IL1RAPL2: variants seen among roughly 807,000 people sequenced by gnomAD.
The protein encoded by IL1RAPL2 is X-linked interleukin-1 receptor accessory protein-like 2.
IL1RAPL2 carries 3 observed loss-of-function variants against 44.1 expected under a neutral mutation model. The observed-to-expected ratio is 0.07, with a 90% CI of 0.03 to 0.18. The LOEUF (loss-of-function observed/expected upper bound fraction) is 0.18. IL1RAPL2 is among the 10% of genes least tolerant of loss of function. The probability of loss-of-function intolerance (pLI) is 1.00; values close to 1 mark genes in which losing one functional copy is unlikely to be tolerated. For synonymous variants in IL1RAPL2, 181 were observed against 178.8 expected, an observed-to-expected ratio of 1.01 and a Z score of -0.10; for missense variants, 391 against 496.4, an observed-to-expected ratio of 0.79 and a Z score of 2.02.
In IL1RAPL2 at chrX:105,460,811, A is replaced by AAAACTGTTT. The variant is rs768808126; in HGVS notation, c.698-23502_698-23501insAAACTGTTT. 6.2e-3 allele frequency among the ~76,000 whole-genome samples: 691 copies of AAAACTGTTT among 112,065 alleles called. 8 individuals are homozygous for AAAACTGTTT. The highest frequency in any genetic ancestry group is 0.022 in the African/African-American group (673 of 30,903). On this transcript the variant is annotated intron_variant, in intron 5 of 10. Transcript: ENST00000372582. ...AGATCACGAAGTTTTACACAAATGTATAGCTAAAACAGTCACCTATCGATC... is the reference window on the plus strand; with the variant it reads ...AGATCACGAAGTTTTACACAAATGTAAAACTGTTTTAGCTAAAACAGTCACCTATCGATC...
At chrX:105,172,464 G>A (rs770643398) in intron 2 of IL1RAPL2, among the ~76,000 whole-genome samples, 2 of 111,700 alleles carry the variant, frequency 1.8e-5, no homozygotes, top group Admixed American at 9.5e-5. Flanking sequence ...CCACTACCAA[G>A]CTCATTCAAG....
chrX:104,797,185 GCCCCC>G (rs368534416), intron 2 of IL1RAPL2, among the ~76,000 whole-genome samples: 2 of 23,895 alleles, frequency 8.4e-5, no homozygotes, highest in African/African-American at 6.1e-4. Flanking sequence ...GATCTCTTCA[GCCCCC>G]CCCCCCCCCC....
intron 1 of IL1RAPL2, among the ~76,000 whole-genome samples, chrX:104,621,226 G>A (rs1253553194): frequency 9.4e-6 from 1 of 106,326 alleles, no homozygotes; most frequent in African/African-American, 3.4e-5. Context: ...AGAGAAGTAT[G>A]TACATCTCAG....
intron 5 of IL1RAPL2, among the ~76,000 whole-genome samples, chrX:105,272,227 A>G (rs1004697481): frequency 8.3e-5 from 9 of 108,834 alleles, no homozygotes; most frequent in African/African-American, 3.0e-4. Context: ...GCACATGTAT[A>G]CATATGTAAC....
At chrX:105,157,720 A>G (rs779179343) in intron 2 of IL1RAPL2, among the ~76,000 whole-genome samples, 1 of 112,328 alleles carries the variant, frequency 8.9e-6, no homozygotes, top group Non-Finnish European at 1.9e-5. Context: ...ATCTTCCATC[A>G]CTGAAATTCT....
intron 2 of IL1RAPL2, among the ~76,000 whole-genome samples, chrX:104,864,256 G>C (rs916199378): frequency 1.8e-5 from 2 of 112,111 alleles, no homozygotes; most frequent in African/African-American, 3.2e-5. Flanking sequence ...CAAGCAAAAA[G>C]TAAAAGAGCC....
intron 2 of IL1RAPL2, among the ~76,000 whole-genome samples, chrX:105,173,143 T>C (rs1218045586): frequency 9.0e-6 from 1 of 110,609 alleles, no homozygotes; most frequent in African/African-American, 3.3e-5. Context: ...AAAAACAGAG[T>C]ATGCAGAGCT....
At chrX:104,637,338 C>T (rs1384191600) in intron 1 of IL1RAPL2, among the ~76,000 whole-genome samples, 5 of 111,525 alleles carry the variant, frequency 4.5e-5, no homozygotes, top group Non-Finnish European at 9.4e-5. Flanking sequence ...ACTGTTCTGG[C>T]TAGTACTTCC....
chrX:104,574,726 A>G (rs767469859), intron 1 of IL1RAPL2, among the ~76,000 whole-genome samples: 149 of 112,173 alleles, frequency 1.3e-3, no homozygotes, highest in South Asian at 5.9e-3. Flanking sequence ...TTAAAGACAA[A>G]GCAGACCTAC....
intron 5 of IL1RAPL2, among the ~76,000 whole-genome samples, chrX:105,408,420 G>C (rs1175845815): frequency 9.1e-6 from 1 of 110,175 alleles, no homozygotes; most frequent in Non-Finnish European, 1.9e-5. Flanking sequence ...TCAACATGAG[G>C]CAAGGAATCA....
chrX:105,472,705 A>C (rs1489696469), intron 5 of IL1RAPL2, among the ~76,000 whole-genome samples: 1 of 111,776 alleles, frequency 8.9e-6, no homozygotes, highest in Non-Finnish European at 1.9e-5. Context: ...TAATTAAATT[A>C]GTTCTCATCG....
At chrX:104,872,545 G>C (rs756220989) in intron 2 of IL1RAPL2, among the ~76,000 whole-genome samples, 1 of 111,213 alleles carries the variant, frequency 9.0e-6, no homozygotes, top group Non-Finnish European at 1.9e-5. Flanking sequence ...GCTTGACTTA[G>C]GTTACCTATG....
intron 4 of IL1RAPL2, among the ~76,000 whole-genome samples, chrX:105,243,156 C>T (rs2034186314): frequency 9.0e-6 from 1 of 110,625 alleles, no homozygotes; most frequent in African/African-American, 3.3e-5. Flanking sequence ...CAAATCTCAT[C>T]AGGAATTGTA....
intron 5 of IL1RAPL2, among the ~76,000 whole-genome samples, chrX:105,470,113 T>A (rs915000435): frequency 9.0e-6 from 1 of 111,487 alleles, no homozygotes; most frequent in African/African-American, 3.3e-5. Context: ...GAGAATGGCA[T>A]AAGATAGCTA....
intron 5 of IL1RAPL2, among the ~76,000 whole-genome samples, chrX:105,268,459 AGT>A (rs1272398675): frequency 1.8e-5 from 2 of 111,222 alleles, no homozygotes; most frequent in African/African-American, 6.5e-5. Flanking sequence ...TACAGCATGT[AGT>A]TAATAATGTT....
chrX:104,615,617 C>T (rs770426096), intron 1 of IL1RAPL2, among the ~76,000 whole-genome samples: 1 of 111,722 alleles, frequency 9.0e-6, no homozygotes, highest in Admixed American at 9.5e-5. Flanking sequence ...TTTCTTTATC[C>T]AGTCTATCAT....
At chrX:104,843,395 C>T (rs374582693) in intron 2 of IL1RAPL2, among the ~76,000 whole-genome samples, 12 of 111,023 alleles carry the variant, frequency 1.1e-4, no homozygotes, top group African/African-American at 3.9e-4. Flanking sequence ...GCTTCAGCCC[C>T]CTTTCCAGGG....
chrX:105,389,209 A>C (rs1767288086), intron 5 of IL1RAPL2, among the ~76,000 whole-genome samples: 1 of 112,090 alleles, frequency 8.9e-6, no homozygotes, highest in Admixed American at 9.5e-5. Flanking sequence ...AAAGTGGATA[A>C]CCAGAATGAG....
intron 2 of IL1RAPL2, among the ~76,000 whole-genome samples, chrX:105,073,359 A>T (rs769007862): frequency 8.5e-4 from 88 of 103,068 alleles, no homozygotes; most frequent in Admixed American, 1.6e-3. Context: ...CCGTGTCCCT[A>T]CAAAGGACAT....
Sources: allele counts gnomAD v4.1 joint callset (sites outside exome capture counted in the v4.1 genomes callset), GRCh38; gene constraint gnomAD v4.1.1; transcripts MANE v1.5; gene names NCBI Gene and HGNC (gene_info 2026-07-23, HGNC 2026-07-21).